Variants in CSNK2A1 observed in about 807,000 individuals in gnomAD.
CSNK2A1 encodes casein kinase II subunit alpha.
CSNK2A1 carries 10 observed loss-of-function variants against 62.9 expected under a neutral mutation model. That is an observed-to-expected ratio of 0.16 (90% CI 0.10 to 0.27). The LOEUF (loss-of-function observed/expected upper bound fraction) is 0.27, where lower values mean the gene tolerates loss of function less well. CSNK2A1 is among the 10% of genes least tolerant of loss of function. CSNK2A1 has a pLI of 1.00. For missense variants in CSNK2A1, 160 were observed against 492.0 expected, an observed-to-expected ratio of 0.33 and a Z score of 6.38; for synonymous variants, 124 against 167.8, an observed-to-expected ratio of 0.74 and a Z score of 2.02.
chr20:508,208 G>GT, intron 3 of CSNK2A1: 2 of 431,152 alleles, frequency 4.6e-6, no homozygotes, highest in Non-Finnish European at 8.4e-6. Context: ...ATACATCATA[G>GT]AAAAGGATAA....
At chr20:531,064 A>C (rs773697760) in intron 1 of CSNK2A1, among the ~76,000 whole-genome samples, 20 of 152,190 alleles carry the variant, frequency 1.3e-4, no homozygotes, top group Non-Finnish European at 2.1e-4. Context: ...AGCCTGGGTG[A>C]AAAGAGTGAA....
intron 1 of CSNK2A1, among the ~76,000 whole-genome samples, chr20:537,682 C>T (rs965316772): frequency 6.6e-6 from 1 of 152,142 alleles, no homozygotes; most frequent in African/African-American, 2.4e-5. Flanking sequence ...ATGCTACTTT[C>T]GAAATTATCC....
rs1284619684 is a variant in CSNK2A1, at chr20:475,323, G to A, written c.*8638C>T. ...AAAAATACAAAAACTATCTGGGTGT[G>A]GTGGCATGTGCCTATAATCCCAACT... On this transcript the variant is annotated 3_prime_UTR_variant, in exon 14 of 14. Coordinates refer to ENST00000217244, the MANE Select transcript of CSNK2A1 (RefSeq NM_177559.3). 6.6e-6 allele frequency: 1 copy of A among 152,292 alleles called. No homozygotes were observed. Among genetic ancestry groups the A allele is most frequent in the African/African-American group, 2.4e-5 (1 of 41,438 alleles). The allele number at this position is 152,292 out of a possible 1,614,324, so 9.4% of individuals were successfully genotyped here. A position where few individuals can be genotyped will look rare whatever the true frequency, so the allele number is the denominator to read the frequency against.
chr20:496,699 A>G (rs1244198345), intron 7 of CSNK2A1: 1 of 152,222 alleles, frequency 6.6e-6, no homozygotes, highest in Non-Finnish European at 1.5e-5. Context: ...AGGCTCCAAC[A>G]GCAGGCTTTA....
intron 8 of CSNK2A1, chr20:492,745 G>T (rs1414978141): frequency 1.1e-5 from 2 of 178,098 alleles, no homozygotes; most frequent in Non-Finnish European, 2.4e-5. Context: ...TTCTTTAACA[G>T]AACCTAAACT....
At chr20:497,828 C>T (rs759630948) in intron 6 of CSNK2A1, 48 bp from the exon 7 acceptor site, 18 of 1,535,308 alleles carry the variant, frequency 1.2e-5, no homozygotes, top group Non-Finnish European at 1.6e-5. Context: ...GACAGAAAGG[C>T]ATTTTTCACC....
intron 12 of CSNK2A1, chr20:486,738 C>A: frequency 2.6e-6 from 1 of 382,614 alleles, no homozygotes; most frequent in Non-Finnish European, 4.8e-6. Context: ...TAATGAAGCC[C>A]TGGTCCTGTT....
At position 499,756 on chromosome 20, in the gene CSNK2A1, CAA is replaced by C. The variant is rs1005286922; in HGVS notation, c.315+75_315+76del. On this transcript the variant is annotated intron_variant, in intron 5 of 13. Transcript: ENST00000217244. This position sits in a 1 kb window ranked among gnomAD's most constrained non-coding sequence, Gnocchi z 4.2. The stretch of plus-strand genomic sequence containing the variant: ...TAATGATGAGGGTTGGGGGAGGGAA[CAA>C]AAAGAGGCCAGTTGTGCTCCAGGTC... The C allele has an allele frequency of 7.1e-7, 1 of 1,404,132 alleles. No homozygotes were observed. Among genetic ancestry groups the C allele is most frequent in the African/African-American group, 1.4e-5 (1 of 70,386 alleles). 87.0% of individuals were successfully genotyped at this position (1,404,132 alleles called of 1,614,324 possible).
At chr20:542,343 C>T (rs1390926003) in intron 1 of CSNK2A1, among the ~76,000 whole-genome samples, 1 of 152,204 alleles carries the variant, frequency 6.6e-6, no homozygotes, top group African/African-American at 2.4e-5. Context: ...TATTTGAGAA[C>T]CTAGGCAGTC....
At chr20:496,219 C>T (rs1234509051) in intron 7 of CSNK2A1, 1 of 167,902 alleles carries the variant, frequency 6.0e-6, no homozygotes, top group Non-Finnish European at 1.3e-5. Flanking sequence ...TGGCAGACCA[C>T]AGGCCAAATT....
Position 480,245 on chromosome 20 carries a change from T to G in CSNK2A1, c.*3716A>C, listed in dbSNP as rs1354503212. The stretch of plus-strand genomic sequence containing the variant: ...TACTTCCATTTACTTTGTGTGTGTG[T>G]GTGTGTGTGTGTGGGTGGGTGGGTG... On this transcript the variant is annotated 3_prime_UTR_variant, in exon 14 of 14. Coordinates refer to ENST00000217244, the MANE Select transcript of CSNK2A1 (RefSeq NM_177559.3). 6.6e-6 allele frequency: 1 copy of G among 151,124 alleles called. No homozygotes were observed. The highest frequency in any genetic ancestry group is 3.4e-3 in the Middle Eastern group (1 of 294). 9.4% of individuals were successfully genotyped at this position (151,124 alleles called of 1,614,324 possible). A position where few individuals can be genotyped will look rare whatever the true frequency, so the allele number is the denominator to read the frequency against.
In CSNK2A1 at chr20:499,781, G is replaced by T; in HGVS notation, c.315+52C>A. 6.4e-7 allele frequency: 1 copy of T among 1,569,176 alleles called. No homozygotes were observed. The highest frequency in any genetic ancestry group is 8.8e-7 in the Non-Finnish European group (1 of 1,142,030). On this transcript the variant is annotated intron_variant, in intron 5 of 13. Coordinates refer to ENST00000217244, the MANE Select transcript of CSNK2A1 (RefSeq NM_177559.3). The surrounding 1 kb of genome is among the most constrained non-coding windows in gnomAD (Gnocchi z 4.2). ...CAAAAAGAGGCCAGTTGTGCTCCAG[G>T]TCAAACACCATCTCAGCTCTGGCGG... is the stretch of plus-strand genomic sequence containing the variant.
chr20:495,967 C>T, intron 7 of CSNK2A1, 165 bp from the exon 8 acceptor site: 1 of 583,956 alleles, frequency 1.7e-6, no homozygotes, highest in Non-Finnish European at 3.1e-6. Context: ...TTCATGATCT[C>T]ACAGTCAAGC....
intron 2 of CSNK2A1, among the ~76,000 whole-genome samples, chr20:525,157 G>A (rs1043170574): frequency 6.6e-6 from 1 of 152,054 alleles, no homozygotes; most frequent in Non-Finnish European, 1.5e-5. Flanking sequence ...GCTATAGAGA[G>A]TTTGTTCATA....
Position 499,247 on chromosome 20 carries a change from T to C in CSNK2A1, c.366+8A>G. 6.2e-7 allele frequency: 1 copy of C among 1,603,074 alleles called. No individual in the cohort carries two copies. Among genetic ancestry groups the C allele is most frequent in the Non-Finnish European group, 8.5e-7 (1 of 1,174,574 alleles). On this transcript the variant is annotated splice_region_variant and intron_variant, in intron 6 of 13. Coordinates refer to ENST00000217244, the MANE Select transcript of CSNK2A1 (RefSeq NM_177559.3). This position sits in a 1 kb window ranked among gnomAD's most constrained non-coding sequence, Gnocchi z 4.2. ...CACTAGCCCGAAACAGTTGGTTATA[T>C]ATTATACCTTGAAGTCTGTGTTGTT... is the stretch of plus-strand genomic sequence containing the variant.
chr20:497,615 T>C, intron 7 of CSNK2A1, 106 bp downstream of exon 7: 1 of 949,280 alleles, frequency 1.1e-6, no homozygotes. Flanking sequence ...GTCCCTTCTT[T>C]CAACATACTT....
chr20:486,741 G>A (rs1481249996), intron 12 of CSNK2A1: 3 of 372,468 alleles, frequency 8.1e-6, no homozygotes, highest in Non-Finnish European at 1.5e-5. Flanking sequence ...TGAAGCCCTG[G>A]TCCTGTTGAG....
chr20:483,994 C>A lies in CSNK2A1; in HGVS notation c.1143G>T (p.Met381Ile). The A allele has an allele frequency of 6.2e-7, 1 of 1,611,896 alleles. No individual in the cohort carries two copies. Among genetic ancestry groups the A allele is most frequent in the Non-Finnish European group, 8.5e-7 (1 of 1,179,042 alleles). Reference sequence around the variant, plus strand: ...GAGCGCCAGCGGCAGCTGGAACAGGCATCCCAAGGGGGTTGGCAGCAGCAA... The same window carrying A: ...GAGCGCCAGCGGCAGCTGGAACAGGAATCCCAAGGGGGTTGGCAGCAGCAA... ...PVIAAANPLG[M>I]PVPAAAGAQQ is the part of the protein sequence containing the mutation. The change falls in exon 14 of 14, where the codon ATG becomes ATT. Residue 381 changes from methionine (M) to isoleucine (I), a missense_variant. Physicochemically the swap from Met to Ile is conservative, Grantham distance 10 (BLOSUM62 1). Transcript: ENST00000217244.
At chr20:495,896 A>G in intron 7 of CSNK2A1, 94 bp from the exon 8 acceptor site, 1 of 990,866 alleles carries the variant, frequency 1.0e-6, no homozygotes, top group Non-Finnish European at 1.6e-6. Flanking sequence ...TTAGCCTCAC[A>G]ATACCCCTGG....
Sources: allele counts gnomAD v4.1 joint callset (sites outside exome capture counted in the v4.1 genomes callset), GRCh38; gene constraint gnomAD v4.1.1; non-coding constraint Gnocchi (gnomAD v3.1); transcripts MANE v1.5; gene names NCBI Gene and HGNC (gene_info 2026-07-23, HGNC 2026-07-21).